The following ENSA variants were observed in gnomAD, a reference collection of about 807,000 sequenced individuals.
The protein encoded by ENSA is alpha-endosulfine.
A neutral mutation model predicts 16.8 loss-of-function variants in ENSA; 7 were observed. The observed-to-expected ratio is 0.42, with a 90% CI of 0.24 to 0.78. The LOEUF is 0.78. Among genes scored for constraint, ENSA ranks in the 30% least tolerant of loss-of-function variants. The probability of loss-of-function intolerance (pLI) is 0.29; values close to 1 mark genes in which losing one functional copy is unlikely to be tolerated. For synonymous variants in ENSA, 58 were observed against 53.4 expected (o/e 1.09, Z -0.37); for missense variants, 87 against 142.3 (o/e 0.61, Z 1.98).
chr1:150,629,283 C>A (rs2101753352), intron 1 of ENSA, 131 bp downstream of exon 1: 1 of 1,512,460 alleles, frequency 6.6e-7, no homozygotes, highest in Non-Finnish European at 9.0e-7. Context: ...GAAGCTCACC[C>A]AGCGTGACGC....
At chr1:150,626,317 T>C (rs1649305885) in intron 2 of ENSA, among the ~76,000 whole-genome samples, 1 of 152,258 alleles carries the variant, frequency 6.6e-6, no homozygotes, top group Non-Finnish European at 1.5e-5. Flanking sequence ...GAGGATAATG[T>C]ATTTTCCTTC....
chr1:150,628,423 T>A (rs979660851), intron 1 of ENSA, among the ~76,000 whole-genome samples: 1 of 151,570 alleles, frequency 6.6e-6, no homozygotes. Flanking sequence ...TCACTAGTAT[T>A]TACCCACCAG....
chr1:150,625,297 G>A (rs1649221299), intron 3 of ENSA: 27 of 1,018,482 alleles, frequency 2.7e-5, no homozygotes, highest in Non-Finnish European at 3.1e-5. Context: ...CTATTCCCAA[G>A]GCTCAGCCTA....
At chr1:150,624,786 C>G in intron 3 of ENSA, 1 of 985,348 alleles carries the variant, frequency 1.0e-6, no homozygotes, top group Non-Finnish European at 1.2e-6. Flanking sequence ...TTTCTGCTGG[C>G]AGTTAAGACT....
intron 1 of ENSA, chr1:150,629,199 T>G (rs1038227171): frequency 6.2e-7 from 1 of 1,602,438 alleles, no homozygotes; most frequent in Non-Finnish European, 8.5e-7. Context: ...GTAGGCCTAT[T>G]GGCCAATCAG....
intron 2 of ENSA, among the ~76,000 whole-genome samples, chr1:150,626,780 G>A (rs1048787132): frequency 5.9e-5 from 9 of 152,232 alleles, no homozygotes; most frequent in Non-Finnish European, 1.0e-4. Context: ...TCCTGACCTC[G>A]TGCTCCGCCC....
chr1:150,624,749 T>C (rs1413716532), intron 3 of ENSA: 1 of 985,360 alleles, frequency 1.0e-6, no homozygotes, highest in Non-Finnish European at 1.2e-6. Flanking sequence ...TCCTCACTTT[T>C]AGTTTTACAA....
intron 2 of ENSA, chr1:150,627,008 AATGGCTGGTGCTCACTT>A: frequency 9.1e-7 from 1 of 1,099,118 alleles, no homozygotes; most frequent in South Asian, 2.9e-5. Context: ...GAGTATAATT[AATGGCTGGTGCTCACTT>A]CAAGGGTATG....
intron 3 of ENSA, chr1:150,623,605 G>T: frequency 1.0e-6 from 1 of 984,382 alleles, no homozygotes; most frequent in Non-Finnish European, 1.2e-6. Flanking sequence ...GAGAAGATCG[G>T]AGATGAAGAA....
In ENSA at chr1:150,623,416, T is replaced by C. The variant is rs757595112; in HGVS notation, c.351-557A>G. 7 of 985,738 alleles carry C rather than the reference T, an allele frequency of 7.1e-6. No individual in the cohort carries two copies. In the African/African-American group the frequency reaches 1.0e-4, roughly 15 times the overall value. The allele number at this position is 985,738 out of a possible 1,614,324, so 61.1% of individuals were successfully genotyped here. A position where few individuals can be genotyped will look rare whatever the true frequency, so the allele number is the denominator to read the frequency against. On this transcript the variant is annotated intron_variant, in intron 3 of 3. Transcript: ENST00000369014. ...CAAATACAGAATGTAGCTTGTTTGT[T>C]TTCTTAGCCTTGAAGATGACCAGGT...
At chr1:150,622,886 A>AG in intron 3 of ENSA, 27 bp from the exon 4 acceptor site, 1 of 1,547,240 alleles carries the variant, frequency 6.5e-7, no homozygotes, top group Non-Finnish European at 8.7e-7. Flanking sequence ...AAGAAAAAAA[A>AG]AAAAAACAAC....
chr1:150,629,083 T>C (rs776464335), intron 1 of ENSA: 3 of 1,613,970 alleles, frequency 1.9e-6, no homozygotes, highest in East Asian at 2.2e-5. Context: ...ATAACACACA[T>C]CACACCCAAG....
At position 150,624,751 on chromosome 1, in the gene ENSA, G is replaced by A. The variant is rs910577886; in HGVS notation, c.350+891C>T. 3 of 985,302 alleles carry A rather than the reference G, an allele frequency of 3.0e-6. No homozygotes were observed. In the African/African-American group the frequency reaches 5.2e-5, roughly 17 times the overall value. 61.0% of individuals were successfully genotyped at this position (985,302 alleles called of 1,614,324 possible). On this transcript the variant is annotated intron_variant, in intron 3 of 3. Transcript: ENST00000369014. ...CACCCACGAGCCTTCCTCACTTTTAGTTTTACAATGAACAGTATGGAGTTT... is the reference window on the plus strand; with the variant it reads ...CACCCACGAGCCTTCCTCACTTTTAATTTTACAATGAACAGTATGGAGTTT...
In ENSA at chr1:150,622,762, AG is replaced by A; in HGVS notation, c.*81del. On this transcript the variant is annotated 3_prime_UTR_variant, in exon 4 of 4. Coordinates refer to ENST00000369014, the MANE Select transcript of ENSA (RefSeq NM_004436.4). ...CCTCCTGACCCCTGGCTGCAAAAGCAGGAAGGGGCAGGAGCCAGCACAGGAC... is the reference window on the plus strand; with the variant it reads ...CCTCCTGACCCCTGGCTGCAAAAGCAGAAGGGGCAGGAGCCAGCACAGGAC... The A allele has an allele frequency of 1.2e-5, 17 of 1,462,994 alleles. No individual in the cohort carries two copies. The highest frequency in any genetic ancestry group is 1.6e-5 in the Non-Finnish European group (17 of 1,088,568). 90.6% of individuals were successfully genotyped at this position (1,462,994 alleles called of 1,614,324 possible).
intron 3 of ENSA, chr1:150,624,721 T>A: frequency 1.0e-6 from 1 of 985,456 alleles, no homozygotes; most frequent in East Asian, 1.1e-4. Flanking sequence ...AGAGCAGAGG[T>A]TCACCACCCA....
chr1:150,622,867 C>G lies in ENSA; in HGVS notation c.351-8G>C, dbSNP rs367854238. 3.3e-6 allele frequency: 5 copies of G among 1,531,044 alleles called. No individual in the cohort carries two copies. In the African/African-American group the frequency reaches 5.7e-5, roughly 18 times the overall value. 94.8% of individuals were successfully genotyped at this position (1,531,044 alleles called of 1,614,324 possible). A position where few individuals can be genotyped will look rare whatever the true frequency, so the allele number is the denominator to read the frequency against. On this transcript the variant is annotated splice_polypyrimidine_tract_variant and splice_region_variant and intron_variant, in intron 3 of 3. Transcript: ENST00000369014. ...CATCATTCAACTTGGCCACTGCGGA[C>G]GAACACAGAAGAAAAAAAAAAAAAA...
intron 3 of ENSA, chr1:150,624,649 A>G: frequency 1.0e-6 from 1 of 985,392 alleles, no homozygotes; most frequent in South Asian, 4.7e-5. Flanking sequence ...CCAAACCTCA[A>G]TTTACTCTCT....
chr1:150,625,108 G>A (rs986208904), intron 3 of ENSA: 30 of 985,352 alleles, frequency 3.0e-5, no homozygotes, highest in Non-Finnish European at 3.4e-5. Context: ...AGGGGGCACT[G>A]TAGTTTTAGG....
intron 1 of ENSA, among the ~76,000 whole-genome samples, chr1:150,628,144 AAT>A (rs745559926): frequency 7.2e-5 from 11 of 152,278 alleles, no homozygotes; most frequent in East Asian, 3.9e-4. Context: ...AACAACAAAA[AAT>A]AGTTTGCTAA....
Sources: allele counts gnomAD v4.1 joint callset (sites outside exome capture counted in the v4.1 genomes callset), GRCh38; gene constraint gnomAD v4.1.1; transcripts MANE v1.5; gene names NCBI Gene and HGNC (gene_info 2026-07-23, HGNC 2026-07-21).